Variants in USP34 observed in about 807,000 individuals in gnomAD.
The protein encoded by USP34 is ubiquitin specific peptidase 34.
Under a neutral mutation model 460.3 loss-of-function variants are expected in USP34, and 70 were observed. That is an observed-to-expected ratio of 0.15 (90% CI 0.13 to 0.19). USP34 has a LOEUF of 0.19. USP34 is among the 10% of genes least tolerant of loss of function. USP34 has a pLI of 1.00. For synonymous variants in USP34, 1,647 were observed against 1,405.3 expected, an observed-to-expected ratio of 1.17 and a Z score of -3.85; for missense variants, 3,985 against 4,236.2, an observed-to-expected ratio of 0.94 and a Z score of 1.65.
chr2:61,399,599 C>T (rs150563872), intron 3 of USP34, among the ~76,000 whole-genome samples: 2 of 152,006 alleles, frequency 1.3e-5, no homozygotes, highest in Non-Finnish European at 2.9e-5. Flanking sequence ...GTCCCGGGCG[C>T]GGTGGCTCAT....
rs754100624 is a variant in USP34, at chr2:61,236,245, T to A, written c.6843-9A>T. On this transcript the variant is annotated splice_polypyrimidine_tract_variant and intron_variant, in intron 54 of 79. Transcript: ENST00000398571. ...ACAATTGCCACATAAATCTAGAATT[T>A]AAAAATAATCATTTAAAATTCACAC... 1 of 1,606,386 alleles carries A rather than the reference T, an allele frequency of 6.2e-7. No individual in the cohort carries two copies. The highest frequency in any genetic ancestry group is 8.5e-7 in the Non-Finnish European group (1 of 1,176,832).
intron 10 of USP34, among the ~76,000 whole-genome samples, chr2:61,353,709 G>A (rs1260745178): frequency 6.6e-6 from 1 of 152,038 alleles, no homozygotes; most frequent in Non-Finnish European, 1.5e-5. Context: ...AGGATTACAG[G>A]TGTGACTCAC....
chr2:61,438,726 G>C (rs1158384293), intron 1 of USP34, among the ~76,000 whole-genome samples: 1 of 152,116 alleles, frequency 6.6e-6, no homozygotes, highest in Non-Finnish European at 1.5e-5. Context: ...CTCAACAAGA[G>C]AAAGATAAAA....
At chr2:61,318,067 G>A (rs548685007) in intron 22 of USP34, among the ~76,000 whole-genome samples, 6 of 151,642 alleles carry the variant, frequency 4.0e-5, no homozygotes, top group African/African-American at 1.5e-4. Context: ...GTGGTGTGTG[G>A]CTGTAGTCCC....
At chr2:61,437,774 AAAATAAATAAATAAAT>A (rs61610795) in intron 1 of USP34, among the ~76,000 whole-genome samples, 7 of 134,566 alleles carry the variant, frequency 5.2e-5, no homozygotes, top group Middle Eastern at 7.3e-3. Context: ...CTCCGTCTCA[AAAATAAATAAATAAAT>A]AAATAAATAA....
intron 5 of USP34, among the ~76,000 whole-genome samples, chr2:61,391,544 T>C (rs570914324): frequency 5.4e-4 from 83 of 152,324 alleles, no homozygotes; most frequent in African/African-American, 1.9e-3. Context: ...TAAAATCTAA[T>C]ACTATTTTTT....
intron 50 of USP34, among the ~76,000 whole-genome samples, chr2:61,246,000 T>C (rs562872624): frequency 2.7e-4 from 41 of 152,260 alleles, no homozygotes; most frequent in African/African-American, 9.1e-4. Context: ...ATGGCACATA[T>C]AAGGCTACAC....
intron 10 of USP34, among the ~76,000 whole-genome samples, chr2:61,359,578 A>G (rs1053983393): frequency 2.0e-5 from 3 of 152,160 alleles, no homozygotes; most frequent in African/African-American, 7.2e-5. Flanking sequence ...ACAACAACAA[A>G]GATATGTTAG....
intron 1 of USP34, among the ~76,000 whole-genome samples, chr2:61,437,610 A>G (rs1694847928): frequency 1.3e-5 from 2 of 151,866 alleles, no homozygotes; most frequent in East Asian, 1.9e-4. Flanking sequence ...CGTCTCTAAT[A>G]AAAATACAAA....
chr2:61,413,888 G>A (rs191726575), intron 2 of USP34, among the ~76,000 whole-genome samples: 3,835 of 148,930 alleles, frequency 0.026, 175 homozygotes, highest in African/African-American at 0.091. Context: ...CCAAGATCGC[G>A]CCATTGCACT....
At chr2:61,235,309 G>A (rs549831559) in intron 57 of USP34, among the ~76,000 whole-genome samples, 4 of 141,510 alleles carry the variant, frequency 2.8e-5, no homozygotes, top group Non-Finnish European at 4.5e-5. Context: ...TAGATGAAGG[G>A]GGGAAAAAAT....
At chr2:61,382,623 A>G (rs535993148) in intron 6 of USP34, among the ~76,000 whole-genome samples, 6 of 152,338 alleles carry the variant, frequency 3.9e-5, no homozygotes, top group African/African-American at 1.4e-4. Flanking sequence ...GCAAATGAGA[A>G]AAAAAGTACA....
chr2:61,470,666 C>T lies in USP34; in HGVS notation c.27G>A (p.Val9=). The T allele has an allele frequency of 6.3e-7, 1 of 1,596,818 alleles. No individual in the cohort carries two copies. Among genetic ancestry groups the T allele is most frequent in the Non-Finnish European group, 8.5e-7 (1 of 1,171,924 alleles). MCENCADL[V]EVLNEISDVE... is the part of the protein sequence containing the mutation. ...GCTACTTACTTTCATTTAACACCTCCACCAGGTCTGCGCAGTTCTCGCACA... is the reference window on the plus strand; with the variant it reads ...GCTACTTACTTTCATTTAACACCTCTACCAGGTCTGCGCAGTTCTCGCACA... Residue 9 remains valine, a synonymous_variant, in exon 1 of 80, where the codon GTG becomes GTA. Transcript: ENST00000398571.
rs749158384 is a variant in USP34 at position 61,206,049 on chromosome 2, T to C, written c.9122A>G (p.Tyr3041Cys). The change falls in exon 72 of 80, where the codon TAT becomes TGT. Residue 3041 changes from tyrosine to cysteine, a missense_variant. Physicochemically the swap from Tyr to Cys is radical, Grantham distance 194 (BLOSUM62 -2). Around this residue, in one of 14 missense-constraint regions of USP34, gnomAD observed 275 missense variants for 292.7 expected, o/e 0.94. Coordinates refer to ENST00000398571, the MANE Select transcript of USP34 (RefSeq NM_014709.4). Reference sequence around the variant, plus strand: ...GGCATTTCTAAGTTCTGGAGGACTATAGGAATTAAGAAGAGTTAACAGTTT... The same window carrying C: ...GGCATTTCTAAGTTCTGGAGGACTACAGGAATTAAGAAGAGTTAACAGTTT... ...AHKLLTLLNS[Y>C]SPPELRNACI... The C allele has an allele frequency of 1.1e-5, 17 of 1,613,614 alleles. No individual in the cohort carries two copies. The highest frequency in any genetic ancestry group is 3.3e-5 in the South Asian group (3 of 91,064).
intron 2 of USP34, among the ~76,000 whole-genome samples, chr2:61,412,189 C>CAAAAA (rs10581550): frequency 2.2e-4 from 20 of 92,048 alleles, no homozygotes; most frequent in East Asian, 2.9e-4. Flanking sequence ...AACTCCATCT[C>CAAAAA]AAAAAAAAAA....
chr2:61,339,912 T>C (rs1418865396), intron 16 of USP34, among the ~76,000 whole-genome samples: 1 of 152,010 alleles, frequency 6.6e-6, no homozygotes, highest in Non-Finnish European at 1.5e-5. Flanking sequence ...CCTCCAGTAA[T>C]CTCCTTCCTC....
intron 43 of USP34, among the ~76,000 whole-genome samples, chr2:61,261,253 C>T (rs371332904): frequency 6.6e-6 from 1 of 152,266 alleles, no homozygotes; most frequent in African/African-American, 2.4e-5. Flanking sequence ...GTGAAAGCAA[C>T]CCAAGTATCC....
At chr2:61,420,050 C>T (rs1694312464) in intron 2 of USP34, among the ~76,000 whole-genome samples, 2 of 152,174 alleles carry the variant, frequency 1.3e-5, no homozygotes, top group South Asian at 4.1e-4. Context: ...CTATGTTCAG[C>T]TAGACTGTAT....
At chr2:61,299,943 C>A (rs887817145) in intron 29 of USP34, among the ~76,000 whole-genome samples, 3 of 152,080 alleles carry the variant, frequency 2.0e-5, no homozygotes, top group African/African-American at 2.4e-5. Flanking sequence ...GTTGCACAGG[C>A]CAGAAACCCA....
Sources: allele counts gnomAD v4.1 joint callset (sites outside exome capture counted in the v4.1 genomes callset), GRCh38; gene constraint gnomAD v4.1.1; regional missense constraint gnomAD v4.1.1; transcripts MANE v1.5; gene names NCBI Gene and HGNC (gene_info 2026-07-23, HGNC 2026-07-21).